C16orf96: variants seen among roughly 807,000 people sequenced by gnomAD.
The protein encoded by C16orf96 is chromosome 16 open reading frame 96.
Under a neutral mutation model 103.6 loss-of-function variants are expected in C16orf96, and 108 were observed. The observed-to-expected ratio is 1.04, with a 90% confidence interval of 0.89 to 1.22. The LOEUF is 1.22. Among genes scored for constraint, C16orf96 ranks in the 50% most tolerant of loss-of-function variants. C16orf96 has a pLI of 0.00. For synonymous variants in C16orf96, 566 were observed against 593.5 expected, an observed-to-expected ratio of 0.95 and a Z score of 0.67; for missense variants, 1,586 against 1,464.2, an observed-to-expected ratio of 1.08 and a Z score of -1.36.
At chr16:4,578,558 G>A (rs1335122092) in intron 5 of C16orf96, among the ~76,000 whole-genome samples, 1 of 152,204 alleles carries the variant, frequency 6.6e-6, no homozygotes, top group African/African-American at 2.4e-5. Flanking sequence ...AAGAGATCGA[G>A]ACCAACCTGG....
chr16:4,579,334 CTT>C (rs2059554121), intron 6 of C16orf96, among the ~76,000 whole-genome samples: 1 of 152,032 alleles, frequency 6.6e-6, no homozygotes, highest in Admixed American at 6.6e-5. Context: ...AGGCAGATCA[CTT>C]GAGCTCAGGA....
Position 4,556,712 on chromosome 16 carries a change from A to G in C16orf96, c.223A>G (p.Lys75Glu). Reference sequence around the variant, plus strand: ...CGCCCAGCCTATCCTCAACCCCATGAAGAGGCTCAGCAATGTCTTCGACCA... The same window carrying G: ...CGCCCAGCCTATCCTCAACCCCATGGAGAGGCTCAGCAATGTCTTCGACCA... Reference protein sequence around the residue: ...GDAQPILNPMKRLSNVFDHVV... With the variant: ...GDAQPILNPMERLSNVFDHVV... The change falls in exon 1 of 16, where the codon AAG becomes GAG. Residue 75 changes from lysine to glutamate, a missense_variant. Coordinates refer to ENST00000444310, the MANE Select transcript of C16orf96 (RefSeq NM_001145011.2). 1 of 1,551,666 alleles carries G rather than the reference A, an allele frequency of 6.4e-7. No individual in the cohort carries two copies. Among genetic ancestry groups the G allele is most frequent in the Non-Finnish European group, 8.7e-7 (1 of 1,146,982 alleles).
chr16:4,574,499 G>C (rs2059476830), intron 2 of C16orf96, among the ~76,000 whole-genome samples: 1 of 152,214 alleles, frequency 6.6e-6, no homozygotes, highest in Admixed American at 6.5e-5. Context: ...TGGGGTTACA[G>C]GCATGAGACA....
At chr16:4,592,202 C>T in intron 10 of C16orf96, 103 bp from the exon 11 acceptor site, 2 of 1,409,044 alleles carry the variant, frequency 1.4e-6, no homozygotes, top group African/African-American at 2.8e-5. Flanking sequence ...CTGGGCCGGG[C>T]ACTGGCAGGA....
chr16:4,596,687 C>CAAAG (rs1053910419), intron 14 of C16orf96, among the ~76,000 whole-genome samples: 1 of 151,690 alleles, frequency 6.6e-6, no homozygotes, highest in South Asian at 2.1e-4. Context: ...GTCTCAAAAA[C>CAAAG]AAACAAACAA....
At chr16:4,577,759 C>T (rs1230367239) in intron 5 of C16orf96, among the ~76,000 whole-genome samples, 1 of 152,184 alleles carries the variant, frequency 6.6e-6, no homozygotes, top group Admixed American at 6.6e-5. Flanking sequence ...AGTTCGAGAC[C>T]AGCCTGGCCA....
rs367941862 is a variant in C16orf96 at position 4,556,688 on chromosome 16, G to C, written c.199G>C (p.Ala67Pro). The stretch of plus-strand genomic sequence containing the variant: ...GGTCATCATGCCCAGGGAAGGAGAC[G>C]CCCAGCCTATCCTCAACCCCATGAA... ...QVVIMPREGD[A>P]QPILNPMKRL... is the part of the protein sequence containing the mutation. Residue 67 changes from alanine to proline, a missense_variant, in exon 1 of 16, where the codon GCC (alanine) becomes CCC (proline). Physicochemically the swap from Ala to Pro is conservative, Grantham distance 27. Coordinates refer to ENST00000444310, the MANE Select transcript of C16orf96 (RefSeq NM_001145011.2). 9 of 1,551,342 alleles carry C rather than the reference G, an allele frequency of 5.8e-6. No individual in the cohort carries two copies. In the East Asian group the frequency reaches 2.0e-4, roughly 34 times the overall value.
At chr16:4,544,835 C>T in the C16orf96 span, among the ~76,000 whole-genome samples, 1,179 of 152,206 alleles carry the variant, frequency 7.7e-3, 17 homozygotes, top group African/African-American at 0.027. Context: ...TCATCTCCCA[C>T]TTGCTGTTGA....
chr16:4,546,134 C>T, the C16orf96 span, among the ~76,000 whole-genome samples: 1 of 151,280 alleles, frequency 6.6e-6, no homozygotes, highest in Non-Finnish European at 1.5e-5. Context: ...AGGAATGAGC[C>T]ACCATGCCTA....
the C16orf96 span, among the ~76,000 whole-genome samples, chr16:4,547,689 C>CTTCCTTCCTTCCTTTCTTTCT: frequency 5.3e-4 from 12 of 22,574 alleles, no homozygotes; most frequent in African/African-American, 1.2e-3. Context: ...TCCTTCCTTC[C>CTTCCTTCCTTCCTTTCTTTCT]TTCTTTCTTT....
In C16orf96 at chr16:4,575,038, C is replaced by T. The variant is rs1412027861; in HGVS notation, c.673C>T (p.His225Tyr). Residue 225 changes from histidine to tyrosine, a missense_variant, in exon 4 of 16, where the codon CAT becomes TAT. Transcript: ENST00000444310. ...GGACATGGTGCTCTGGAGTGGCCTT[C>T]ATGATGCCATGTTCACCTCAGTGAG... The part of the protein sequence containing the change: ...TEDMVLWSGL[H>Y]DAMFTSEIGS... The T allele has an allele frequency of 3.2e-6, 5 of 1,551,368 alleles. No individual in the cohort carries two copies. In the East Asian group the frequency reaches 7.3e-5, roughly 23 times the overall value.
the C16orf96 span, among the ~76,000 whole-genome samples, chr16:4,550,810 G>C: frequency 1.3e-5 from 2 of 152,232 alleles, no homozygotes; most frequent in African/African-American, 4.8e-5. Context: ...GGTGAGAGAA[G>C]AAGCTGTTAT....
At chr16:4,589,166 G>A (rs1283041753) in intron 9 of C16orf96, among the ~76,000 whole-genome samples, 2 of 152,074 alleles carry the variant, frequency 1.3e-5, no homozygotes, top group Admixed American at 1.3e-4. Flanking sequence ...CAGGGCGGTC[G>A]CCAACCATAC....
chr16:4,577,937 G>A (rs1026199658), intron 5 of C16orf96, among the ~76,000 whole-genome samples: 5 of 151,976 alleles, frequency 3.3e-5, no homozygotes, highest in African/African-American at 1.2e-4. Context: ...GGGCGATAGC[G>A]AGACTCCTCC....
intron 7 of C16orf96, among the ~76,000 whole-genome samples, chr16:4,585,971 A>G (rs918563367): frequency 2.0e-5 from 3 of 152,162 alleles, no homozygotes; most frequent in Non-Finnish European, 4.4e-5. Context: ...AGAAAACTAC[A>G]TATTGGAGCC....
rs201958538 is a variant in C16orf96, at chr16:4,588,204, G to T, written c.2465G>T (p.Arg822Leu). Residue 822 changes from arginine to leucine, a missense_variant, in exon 9 of 16, where the codon CGC becomes CTC. By Grantham distance (102) the Arg-to-Leu change is moderately radical. Coordinates refer to ENST00000444310, the MANE Select transcript of C16orf96 (RefSeq NM_001145011.2). ...AGTGCCCTGGCAGGCAAGGCAAGCCGCGTTGACCTGGAGACTGTGGCCTTG... is the reference window on the plus strand; with the variant it reads ...AGTGCCCTGGCAGGCAAGGCAAGCCTCGTTGACCTGGAGACTGTGGCCTTG... ...DRSALAGKAS[R>L]VDLETVALEL... is the part of the protein sequence containing the mutation. 1 of 1,551,466 alleles carries T rather than the reference G, an allele frequency of 6.4e-7. No individual in the cohort carries two copies. Among genetic ancestry groups the T allele is most frequent in the African/African-American group, 1.4e-5 (1 of 73,028 alleles).
chr16:4,575,991 A>C lies in C16orf96; in HGVS notation c.1511A>C (p.His504Pro). Residue 504 changes from histidine to proline, a missense_variant, in exon 5 of 16, where the codon CAC becomes CCC. By Grantham distance (77) the His-to-Pro change is moderately conservative (BLOSUM62 -2). Transcript: ENST00000444310. ...GATGTGGACCCCAAGGATAGAGCTCACAAGGATGATGTCCCCAAAGATAGA... is the reference window on the plus strand; with the variant it reads ...GATGTGGACCCCAAGGATAGAGCTCCCAAGGATGATGTCCCCAAAGATAGA... ...GKDVDPKDRA[H>P]KDDVPKDRGG... 2 of 1,546,400 alleles carry C rather than the reference A, an allele frequency of 1.3e-6. No homozygotes were observed. Among genetic ancestry groups the C allele is most frequent in the Non-Finnish European group, 1.7e-6 (2 of 1,144,146 alleles).
chr16:4,546,722 A>C, the C16orf96 span, among the ~76,000 whole-genome samples: 1 of 150,524 alleles, frequency 6.6e-6, no homozygotes, highest in African/African-American at 2.4e-5. Flanking sequence ...CATCTTAGTT[A>C]GCCTCCTAAA....
chr16:4,560,957 CA>C (rs1366867100), intron 1 of C16orf96: 6 of 152,174 alleles, frequency 3.9e-5, no homozygotes, highest in African/African-American at 1.4e-4. Flanking sequence ...AATTCAAGAC[CA>C]GCCTGACCAA....
Sources: gnomAD v4.1 joint callset for allele counts (sites outside exome capture counted in the v4.1 genomes callset) on GRCh38, gnomAD v4.1.1 for gene constraint, MANE v1.5 for transcripts, NCBI Gene and HGNC (gene_info 2026-07-23, HGNC 2026-07-21) for gene names.